Variants in LPAR1 observed in about 807,000 individuals in gnomAD.
LPAR1 encodes lysophosphatidic acid receptor 1.
A neutral mutation model predicts 23.8 loss-of-function variants in LPAR1; 5 were observed. That is an observed-to-expected ratio of 0.21 (90% CI 0.11 to 0.44). The LOEUF is 0.44. Among genes scored for constraint, LPAR1 ranks in the 20% least tolerant of loss-of-function variants. The pLI, the probability that LPAR1 is intolerant of heterozygous loss-of-function variation, is 0.99. For missense variants in LPAR1, 311 were observed against 482.8 expected, an observed-to-expected ratio of 0.64 and a Z score of 3.33; for synonymous variants, 160 against 164.7, an observed-to-expected ratio of 0.97 and a Z score of 0.22.
intron 2 of LPAR1, among the ~76,000 whole-genome samples, chr9:111,013,858 A>G (rs2097383418): frequency 1.3e-5 from 2 of 152,186 alleles, no homozygotes; most frequent in African/African-American, 4.8e-5. Context: ...ATCACACCCA[A>G]CAGTCTGACC....
At chr9:110,985,459 A>G (rs1554722100) in intron 2 of LPAR1, among the ~76,000 whole-genome samples, 1 of 152,108 alleles carries the variant, frequency 6.6e-6, no homozygotes, top group Non-Finnish European at 1.5e-5. Context: ...AACGCATTCC[A>G]AGGAAGAAAT....
chr9:110,885,424 G>A (rs1230867460), intron 5 of LPAR1, among the ~76,000 whole-genome samples: 1 of 152,176 alleles, frequency 6.6e-6, no homozygotes, highest in Non-Finnish European at 1.5e-5. Flanking sequence ...AATGCTAAAT[G>A]AGATAATTAC....
chr9:110,918,293 T>C (rs1186167112), intron 5 of LPAR1, among the ~76,000 whole-genome samples: 1 of 152,214 alleles, frequency 6.6e-6, no homozygotes, highest in East Asian at 1.9e-4. Context: ...AGACTGTTTA[T>C]GTAAGACTGC....
At chr9:110,978,978 G>T (rs758591465) in intron 2 of LPAR1, among the ~76,000 whole-genome samples, 3 of 152,092 alleles carry the variant, frequency 2.0e-5, no homozygotes, top group Non-Finnish European at 4.4e-5. Context: ...CAGTTAGACA[G>T]GAGATCTATT....
chr9:110,997,024 G>A (rs1343483029), intron 2 of LPAR1, among the ~76,000 whole-genome samples: 1 of 152,158 alleles, frequency 6.6e-6, no homozygotes. Context: ...GTGGTATGGT[G>A]TATTTTGAAA....
At chr9:111,029,120 G>A (rs935550532) in intron 2 of LPAR1, among the ~76,000 whole-genome samples, 4 of 152,152 alleles carry the variant, frequency 2.6e-5, no homozygotes, top group African/African-American at 9.7e-5. Context: ...AATAAGCCTT[G>A]TCCTTGTTAA....
At chr9:110,942,747 TTCC>T (rs1312507621) in intron 4 of LPAR1, among the ~76,000 whole-genome samples, 2 of 152,196 alleles carry the variant, frequency 1.3e-5, no homozygotes, top group Non-Finnish European at 2.9e-5. Flanking sequence ...CTGCTCAACA[TTCC>T]TGTGGTCAGC....
At chr9:110,930,882 T>C (rs936727833) in intron 5 of LPAR1, among the ~76,000 whole-genome samples, 1 of 152,008 alleles carries the variant, frequency 6.6e-6, no homozygotes, top group Non-Finnish European at 1.5e-5. Flanking sequence ...GCCACTGCAC[T>C]CCAGCCTGGG....
At chr9:110,935,697 A>G (rs1005023430) in intron 5 of LPAR1, among the ~76,000 whole-genome samples, 1 of 152,188 alleles carries the variant, frequency 6.6e-6, no homozygotes, top group African/African-American at 2.4e-5. Flanking sequence ...TGCCCTAAAC[A>G]GTCTTGATTT....
chr9:111,027,344 A>G (rs1449404247), intron 2 of LPAR1, among the ~76,000 whole-genome samples: 1 of 152,086 alleles, frequency 6.6e-6, no homozygotes, highest in Non-Finnish European at 1.5e-5. Context: ...AAATAAATAA[A>G]TAAATAAATA....
At chr9:110,934,700 T>C (rs2094583054) in intron 5 of LPAR1, among the ~76,000 whole-genome samples, 1 of 152,130 alleles carries the variant, frequency 6.6e-6, no homozygotes, top group African/African-American at 2.4e-5. Context: ...TTGGTCACCT[T>C]ATCATACGGA....
intron 2 of LPAR1, among the ~76,000 whole-genome samples, chr9:110,992,415 A>C (rs543112267): frequency 1.3e-5 from 2 of 152,320 alleles, no homozygotes; most frequent in South Asian, 4.1e-4. Context: ...TGTAAGATAG[A>C]ATCAGTCTGG....
chr9:110,987,340 T>C (rs2096803809), intron 2 of LPAR1, among the ~76,000 whole-genome samples: 1 of 150,330 alleles, frequency 6.7e-6, no homozygotes, highest in Non-Finnish European at 1.5e-5. Context: ...ATAGGTATTA[T>C]ATTCAATTGT....
At chr9:110,877,547 G>A (rs886963561) in intron 5 of LPAR1, among the ~76,000 whole-genome samples, 1 of 152,174 alleles carries the variant, frequency 6.6e-6, no homozygotes, top group Non-Finnish European at 1.5e-5. Flanking sequence ...TGCCTCTTGG[G>A]TTTCAGAAAT....
intron 5 of LPAR1, among the ~76,000 whole-genome samples, chr9:110,903,096 C>A (rs1183563098): frequency 1.3e-5 from 2 of 152,064 alleles, no homozygotes; most frequent in African/African-American, 4.8e-5. Context: ...AACAGCATAG[C>A]CAAATTCCAG....
chr9:110,883,200 T>A (rs1263512606), intron 5 of LPAR1, among the ~76,000 whole-genome samples: 1 of 152,122 alleles, frequency 6.6e-6, no homozygotes, highest in African/African-American at 2.4e-5. Context: ...CCACCATGCC[T>A]AATTTTTGTA....
rs2095944696 is a variant in LPAR1, at chr9:110,960,817, C to T, written c.45+11256G>A. On this transcript the variant is annotated intron_variant, in intron 4 of 5. Coordinates refer to ENST00000683809, the MANE Select transcript of LPAR1 (RefSeq NM_001351411.2). ...CATCTATTCTCCTGCAACTTTTAATCAGGTAACCCAGAAGACTTGAAACTT... is the reference window on the plus strand; with the variant it reads ...CATCTATTCTCCTGCAACTTTTAATTAGGTAACCCAGAAGACTTGAAACTT... Among the ~76,000 whole-genome samples, 4 of 152,176 alleles carry T rather than the reference C, an allele frequency of 2.6e-5. No individual in the cohort carries two copies. In the South Asian group the frequency reaches 8.3e-4, roughly 32 times the overall value.
At chr9:110,980,731 A>G (rs999668483) in intron 2 of LPAR1, among the ~76,000 whole-genome samples, 2 of 152,020 alleles carry the variant, frequency 1.3e-5, no homozygotes, top group African/African-American at 4.8e-5. Context: ...AGTGACTTAT[A>G]GCAAACAACA....
At chr9:111,020,851 T>C (rs2097547730) in intron 2 of LPAR1, among the ~76,000 whole-genome samples, 1 of 152,138 alleles carries the variant, frequency 6.6e-6, no homozygotes, top group African/African-American at 2.4e-5. Context: ...AATCAACTGA[T>C]GAATCAGCAC....
Sources: allele counts gnomAD v4.1 joint callset (sites outside exome capture counted in the v4.1 genomes callset), GRCh38; gene constraint gnomAD v4.1.1; transcripts MANE v1.5; gene names NCBI Gene and HGNC (gene_info 2026-07-23, HGNC 2026-07-21).